VPS4A: variants seen among roughly 807,000 people sequenced by gnomAD.
The protein encoded by VPS4A is vacuolar protein sorting 4 homolog A.
Under a neutral mutation model 52.3 loss-of-function variants are expected in VPS4A, and 20 were observed. That is an observed-to-expected ratio of 0.38 (90% CI 0.27 to 0.56). The LOEUF (loss-of-function observed/expected upper bound fraction) is 0.56, where lower values mean the gene tolerates loss of function less well. VPS4A is among the 20% of genes least tolerant of loss of function. VPS4A has a pLI of 0.72. For synonymous variants in VPS4A, 293 were observed against 227.7 expected (o/e 1.29, Z -2.58); for missense variants, 419 against 575.9 (o/e 0.73, Z 2.79).
chr16:69,314,735 T>G (rs1008301133), intron 1 of VPS4A, among the ~76,000 whole-genome samples: 1 of 152,102 alleles, frequency 6.6e-6, no homozygotes, highest in Non-Finnish European at 1.5e-5. Context: ...ACTTCTTCCT[T>G]GCAGATAAGA....
Position 69,322,487 on chromosome 16 carries a change from C to G in VPS4A, c.1072-73C>G, listed in dbSNP as rs138378713. 312 of 1,474,478 alleles carry G rather than the reference C, an allele frequency of 2.1e-4. No individual in the cohort carries two copies. In the African/African-American group the frequency reaches 4.0e-3, roughly 19 times the overall value. The allele number at this position is 1,474,478 out of a possible 1,614,324, so 91.3% of individuals were successfully genotyped here. A position where few individuals can be genotyped will look rare whatever the true frequency, so the allele number is the denominator to read the frequency against. Reference sequence around the variant, plus strand: ...CACAGAGCATTCTCTTTGGGACTTCCTTAGAGACCGGAGGGGTCGAGCCCC... The same window carrying G: ...CACAGAGCATTCTCTTTGGGACTTCGTTAGAGACCGGAGGGGTCGAGCCCC... On this transcript the variant is annotated intron_variant, in intron 9 of 10. Coordinates refer to ENST00000254950, the MANE Select transcript of VPS4A (RefSeq NM_013245.3).
In VPS4A at chr16:69,313,729, C is replaced by T. The variant is rs916639528; in HGVS notation, c.21+2197C>T. Among the ~76,000 whole-genome samples, 12 of 152,118 alleles carry T rather than the reference C, an allele frequency of 7.9e-5. No homozygotes were observed. In the South Asian group the frequency reaches 1.7e-3, roughly 21 times the overall value. ...TTGTGCCATCAAGGTAGAGTTGAGT[C>T]GTTGCTACAGAGATTATCTGGCTGG... is the stretch of plus-strand genomic sequence containing the variant. On this transcript the variant is annotated intron_variant, in intron 1 of 10. Coordinates refer to ENST00000254950, the MANE Select transcript of VPS4A (RefSeq NM_013245.3).
intron 1 of VPS4A, among the ~76,000 whole-genome samples, chr16:69,312,092 TC>T (rs1965384413): frequency 6.6e-6 from 1 of 152,056 alleles, no homozygotes; most frequent in Non-Finnish European, 1.5e-5. Flanking sequence ...GTGCTGTCAG[TC>T]CTGCGGGGCC....
In VPS4A at chr16:69,321,476, G is replaced by GTGCC; in HGVS notation, c.1071+208_1071+209insCCTG. ...TTCTGGAGTGTGGCCATCTCAGGGT[G>GTGCC]TGTGAAAGCAGAGGACAGGGCCACT... On this transcript the variant is annotated intron_variant, in intron 9 of 10. Transcript: ENST00000254950. This position sits in a 1 kb window ranked among gnomAD's most constrained non-coding sequence, Gnocchi z 4.5. 1.6e-6 allele frequency: 1 copy of GTGCC among 616,178 alleles called. No individual in the cohort carries two copies. Among genetic ancestry groups the GTGCC allele is most frequent in the South Asian group, 2.0e-5 (1 of 50,620 alleles). The allele number at this position is 616,178 out of a possible 1,614,324, so 38.2% of individuals were successfully genotyped here.
Position 69,320,847 on chromosome 16 carries a change from G to T in VPS4A, c.851+78G>T. The T allele has an allele frequency of 7.0e-7, 1 of 1,437,234 alleles. No individual in the cohort carries two copies. The highest frequency in any genetic ancestry group is 1.4e-5 in the African/African-American group (1 of 71,024). The allele number at this position is 1,437,234 out of a possible 1,614,324, so 89.0% of individuals were successfully genotyped here. A position where few individuals can be genotyped will look rare whatever the true frequency, so the allele number is the denominator to read the frequency against. On this transcript the variant is annotated intron_variant, in intron 8 of 10. Transcript: ENST00000254950. The surrounding 1 kb of genome is among the most constrained non-coding windows in gnomAD (Gnocchi z 4.2). ...ACGGTCCGCCTGCTGCTGGCAGCCC[G>T]GGTGCAGCCTGGCCCCTTTTCCCTG...
intron 1 of VPS4A, among the ~76,000 whole-genome samples, chr16:69,314,221 C>T (rs1567421949): frequency 2.6e-5 from 4 of 152,080 alleles, no homozygotes; most frequent in East Asian, 1.9e-4. Context: ...CCCGCCTCCG[C>T]GTCCCAAAGT....
At position 69,326,863 on chromosome 16, in the gene VPS4A, C is replaced by T. The variant is rs958520554; in HGVS notation, c.*2554C>T. 4 of 151,848 alleles carry T rather than the reference C, an allele frequency of 2.6e-5. No individual in the cohort carries two copies. Among genetic ancestry groups the T allele is most frequent in the East Asian group, 1.9e-4 (1 of 5,196 alleles). 9.4% of individuals were successfully genotyped at this position (151,848 alleles called of 1,614,324 possible). ...AGCTCACAACGTTGACATGTATATG[C>T]GTTTTTTGTGAGTGCTTCCTGCTCA... is the stretch of plus-strand genomic sequence containing the variant. On this transcript the variant is annotated 3_prime_UTR_variant, in exon 11 of 11. Coordinates refer to ENST00000254950, the MANE Select transcript of VPS4A (RefSeq NM_013245.3).
At chr16:69,311,970 C>T (rs1965383123) in intron 1 of VPS4A, among the ~76,000 whole-genome samples, 1 of 152,270 alleles carries the variant, frequency 6.6e-6, no homozygotes, top group South Asian at 2.1e-4. Flanking sequence ...CCGGCCCCTT[C>T]CCCAATCTTC....
chr16:69,312,646 T>A (rs555781657), intron 1 of VPS4A, among the ~76,000 whole-genome samples: 56 of 152,332 alleles, frequency 3.7e-4, no homozygotes, highest in African/African-American at 1.2e-3. Context: ...GGAGTCTCAC[T>A]CTGTCACCCA....
intron 6 of VPS4A, 62 bp downstream of exon 6, chr16:69,319,605 C>T: frequency 3.9e-6 from 6 of 1,557,938 alleles, no homozygotes; most frequent in Non-Finnish European, 5.2e-6. Flanking sequence ...ACCCAGCGGC[C>T]CACCCTGTGG....
intron 1 of VPS4A, among the ~76,000 whole-genome samples, chr16:69,312,242 C>T (rs549359161): frequency 6.6e-6 from 1 of 152,184 alleles, no homozygotes; most frequent in South Asian, 2.1e-4. Context: ...GGGTAATGCC[C>T]TCTAGGTTGT....
chr16:69,321,022 C>T lies in VPS4A; in HGVS notation c.852-29C>T. 6.5e-7 allele frequency: 1 copy of T among 1,549,430 alleles called. No homozygotes were observed. Among genetic ancestry groups the T allele is most frequent in the Non-Finnish European group, 8.7e-7 (1 of 1,142,968 alleles). On this transcript the variant is annotated intron_variant, in intron 8 of 10. Transcript: ENST00000254950. The surrounding 1 kb of genome is among the most constrained non-coding windows in gnomAD (Gnocchi z 4.5). ...TGAATACCATTCCATCATCCGCTGT[C>T]AACTCCTGCCGTGTGCTGGGCTCTC... is the stretch of plus-strand genomic sequence containing the variant.
At chr16:69,318,007 CTTTT>C (rs71148992) in intron 3 of VPS4A, among the ~76,000 whole-genome samples, 4 of 125,930 alleles carry the variant, frequency 3.2e-5, no homozygotes, top group Non-Finnish European at 4.9e-5. Context: ...GTTTGACTGG[CTTTT>C]TTTTTTTTTT....
At chr16:69,322,831 AG>A in intron 10 of VPS4A, 131 bp downstream of exon 10, 1 of 1,214,386 alleles carries the variant, frequency 8.2e-7, no homozygotes, top group Non-Finnish European at 1.1e-6. Flanking sequence ...GCACTTTGGG[AG>A]GCCAGGGTGG....
In VPS4A at chr16:69,320,497, C is replaced by G; in HGVS notation, c.770-191C>G. The G allele has an allele frequency of 1.2e-6, 1 of 811,852 alleles. No homozygotes were observed. Among genetic ancestry groups the G allele is most frequent in the Non-Finnish European group, 1.9e-6 (1 of 521,790 alleles). 50.3% of individuals were successfully genotyped at this position (811,852 alleles called of 1,614,324 possible). A position where few individuals can be genotyped will look rare whatever the true frequency, so the allele number is the denominator to read the frequency against. On this transcript the variant is annotated intron_variant, in intron 7 of 10. Coordinates refer to ENST00000254950, the MANE Select transcript of VPS4A (RefSeq NM_013245.3). The surrounding 1 kb of genome is among the most constrained non-coding windows in gnomAD (Gnocchi z 4.2). Reference sequence around the variant, plus strand: ...GCCACTCCACCCCTCCCATGGCAGGCAGTGCCATAGGTCTCACCTGGCACA... The same window carrying G: ...GCCACTCCACCCCTCCCATGGCAGGGAGTGCCATAGGTCTCACCTGGCACA...
At position 69,311,355 on chromosome 16, in the gene VPS4A, C is replaced by G; in HGVS notation, c.-157C>G. 3.8e-6 allele frequency: 3 copies of G among 781,522 alleles called. No individual in the cohort carries two copies. The highest frequency in any genetic ancestry group is 1.3e-4 in the South Asian group (2 of 15,492). 48.4% of individuals were successfully genotyped at this position (781,522 alleles called of 1,614,324 possible). On this transcript the variant is annotated 5_prime_UTR_variant, in exon 1 of 11. Transcript: ENST00000254950. ...CTGGGCTGCGCTCCTCGCTTGCCCT[C>G]GGACTCGGCTCCCGCTGCGAGCGGC...
At position 69,320,276 on chromosome 16, in the gene VPS4A, G is replaced by A. The variant is rs746186816; in HGVS notation, c.756G>A (p.Leu252=). The A allele has an allele frequency of 2.1e-5, 34 of 1,613,712 alleles. No individual in the cohort carries two copies. The Admixed American group carries it at 5.7e-4, about 27-fold the overall frequency. ...CCCGGAGGATCAAAACGGAGTTCTTGGTCCAGATGCAGGGTGTGTGCCGGG... is the reference window on the plus strand; with the variant it reads ...CCCGGAGGATCAAAACGGAGTTCTTAGTCCAGATGCAGGGTGTGTGCCGGG... The part of the protein sequence containing the change: ...EAARRIKTEF[L]VQMQGVGNNN... Residue 252 remains leucine, a synonymous_variant, in exon 7 of 11, where the codon TTG becomes TTA. Transcript: ENST00000254950. The surrounding 1 kb of genome is among the most constrained non-coding windows in gnomAD (Gnocchi z 4.2).
chr16:69,317,473 C>T (rs1965451274), intron 3 of VPS4A, among the ~76,000 whole-genome samples: 1 of 152,030 alleles, frequency 6.6e-6, no homozygotes. Context: ...GCCTGGCCAA[C>T]ATGGTGAATC....
intron 3 of VPS4A, among the ~76,000 whole-genome samples, 196 bp from the exon 4 acceptor site, chr16:69,318,454 G>T (rs974678337): frequency 2.6e-5 from 4 of 152,242 alleles, no homozygotes; most frequent in African/African-American, 4.8e-5. Flanking sequence ...GTGTTTGCTG[G>T]GGGGGTCCTG....
Sources: gnomAD v4.1 joint callset for allele counts (sites outside exome capture counted in the v4.1 genomes callset) on GRCh38, gnomAD v4.1.1 for gene constraint, Gnocchi (gnomAD v3.1) non-coding constraint, MANE v1.5 for transcripts, NCBI Gene and HGNC (gene_info 2026-07-23, HGNC 2026-07-21) for gene names.